XK: variants seen among roughly 807,000 people sequenced by gnomAD.
XK encodes endoplasmic reticulum membrane adapter protein XK.
XK carries 2 observed loss-of-function variants against 14.0 expected under a neutral mutation model. The ratio of observed to expected loss-of-function variants is 0.14; its 90% CI spans 0.06 to 0.45. XK has a LOEUF of 0.45. XK is among the 20% of genes least tolerant of loss of function. The pLI is 0.98. For synonymous variants in XK, 149 were observed against 147.5 expected (o/e 1.01, Z -0.08); for missense variants, 235 against 341.5 (o/e 0.69, Z 2.46).
chrX:37,693,987 T>C (rs186180372), intron 1 of XK, among the ~76,000 whole-genome samples: 1 of 112,267 alleles, frequency 8.9e-6, no homozygotes, highest in East Asian at 2.8e-4. Flanking sequence ...ACTGCACATT[T>C]TTTCTGTGGC....
At position 37,730,364 on chromosome X, in the gene XK, C is replaced by G. The variant is rs2146836163; in HGVS notation, c.*1902C>G. 1 of 111,960 alleles carries G rather than the reference C, an allele frequency of 8.9e-6. No individual in the cohort carries two copies. Among genetic ancestry groups the G allele is most frequent in the South Asian group, 3.7e-4 (1 of 2,733 alleles). 9.2% of individuals were successfully genotyped at this position (111,960 alleles called of 1,213,427 possible). On this transcript the variant is annotated 3_prime_UTR_variant, in exon 3 of 3. Transcript: ENST00000378616. ...TACACAATCGTATTACATAAAACAC[C>G]CTTGAAAATATATGACTTTGAATAA...
chrX:37,688,035 C>A (rs188394924), intron 1 of XK, among the ~76,000 whole-genome samples: 2 of 67,726 alleles, frequency 3.0e-5, no homozygotes, highest in African/African-American at 1.2e-4. Flanking sequence ...TCATTTCTTT[C>A]TTTCTTTCTT....
chrX:37,726,522 T>C (rs1167025809), intron 2 of XK, among the ~76,000 whole-genome samples: 1 of 111,384 alleles, frequency 9.0e-6, no homozygotes, highest in East Asian at 2.8e-4. Flanking sequence ...TTTAGAGATG[T>C]TGGCAGCCTG....
rs189669174 is a variant in XK, at chrX:37,705,242, A to G, written c.508+10694A>G. 7.1e-3 allele frequency among the ~76,000 whole-genome samples: 778 copies of G among 109,812 alleles called. 6 individuals carry two copies. Among genetic ancestry groups the G allele is most frequent in the African/African-American group, 0.015 (465 of 30,115 alleles). On this transcript the variant is annotated intron_variant, in intron 2 of 2. Coordinates refer to ENST00000378616, the MANE Select transcript of XK (RefSeq NM_021083.4). ...GGGCGGATCACGAGGTCAGGAGATC[A>G]AGACCATCCTGGCTAACATGGTGAA...
chrX:37,696,448 A>T (rs28940598), intron 2 of XK, among the ~76,000 whole-genome samples: 1,190 of 112,781 alleles, frequency 0.011, 19 homozygotes, highest in African/African-American at 0.036. Flanking sequence ...TAAATGATAA[A>T]TCAAATAGAT....
chrX:37,726,007 A>G (rs1371998283), intron 2 of XK, among the ~76,000 whole-genome samples: 2 of 111,989 alleles, frequency 1.8e-5, no homozygotes, highest in African/African-American at 3.2e-5. Flanking sequence ...ACTACTCTGT[A>G]TGATACTGTA....
chrX:37,710,521 C>T (rs1312040516), intron 2 of XK, among the ~76,000 whole-genome samples: 3 of 111,610 alleles, frequency 2.7e-5, no homozygotes, highest in African/African-American at 9.8e-5. Flanking sequence ...TATGGCCGGG[C>T]GTGGTGGCTC....
intron 1 of XK, among the ~76,000 whole-genome samples, chrX:37,688,146 C>T (rs1378962233): frequency 3.8e-5 from 4 of 104,495 alleles, no homozygotes; most frequent in Non-Finnish European, 7.8e-5. Context: ...CTGCAAGCTC[C>T]GCTTCCCAGG....
At chrX:37,717,810 CTT>C (rs782286018) in intron 2 of XK, among the ~76,000 whole-genome samples, 1 of 111,732 alleles carries the variant, frequency 8.9e-6, no homozygotes, top group South Asian at 3.7e-4. Context: ...GTCAGTAAGA[CTT>C]TAAGAATTTT....
At chrX:37,694,007 G>A (rs1192035668) in intron 1 of XK, among the ~76,000 whole-genome samples, 1 of 112,158 alleles carries the variant, frequency 8.9e-6, no homozygotes, top group Non-Finnish European at 1.9e-5. Context: ...CTCTGGAGCC[G>A]GAACCACTTT....
chrX:37,715,649 CT>C (rs1228730419), intron 2 of XK, among the ~76,000 whole-genome samples: 2 of 111,337 alleles, frequency 1.8e-5, no homozygotes, highest in Admixed American at 9.6e-5. Flanking sequence ...TGCCCTGGTA[CT>C]TTTTTCACTT....
chrX:37,700,279 G>C lies in XK; in HGVS notation c.508+5731G>C, dbSNP rs28940600. Among the ~76,000 whole-genome samples the C allele has an allele frequency of 7.9e-3, 879 of 111,722 alleles. 1 individual carries two copies. Among genetic ancestry groups the C allele is most frequent in the African/African-American group, 0.027 (831 of 30,713 alleles). On this transcript the variant is annotated intron_variant, in intron 2 of 2. Transcript: ENST00000378616. ...CTCTTGGAGGATGTACCCACCATCA[G>C]GTTGATGAGGTGCCCCAGCCCGAGA...
intron 2 of XK, among the ~76,000 whole-genome samples, chrX:37,703,934 T>C (rs1262958518): frequency 8.9e-6 from 1 of 112,325 alleles, no homozygotes; most frequent in Non-Finnish European, 1.9e-5. Flanking sequence ...GCTGATTTTA[T>C]AGTATAGGTC....
intron 2 of XK, among the ~76,000 whole-genome samples, chrX:37,699,871 C>G (rs1927377036): frequency 9.0e-6 from 1 of 111,071 alleles, no homozygotes; most frequent in Admixed American, 9.5e-5. Context: ...GCTCCCTGAC[C>G]AAGGAGGGCC....
chrX:37,704,244 A>C (rs951421207), intron 2 of XK, among the ~76,000 whole-genome samples: 1 of 111,965 alleles, frequency 8.9e-6, no homozygotes, highest in Non-Finnish European at 1.9e-5. Context: ...ATAAAAAACT[A>C]TCTGGAGAGC....
chrX:37,712,594 TC>T (rs1927687511), intron 2 of XK, among the ~76,000 whole-genome samples: 1 of 112,101 alleles, frequency 8.9e-6, no homozygotes. Context: ...GTACTTTTTT[TC>T]TTTCCATTTA....
intron 2 of XK, among the ~76,000 whole-genome samples, chrX:37,720,377 CATGCTAGT>C (rs1256804450): frequency 9.0e-6 from 1 of 110,687 alleles, no homozygotes; most frequent in African/African-American, 3.3e-5. Context: ...GCTAATCTGC[CATGCTAGT>C]ATGGAAATCT....
At chrX:37,711,176 A>G (rs1399637207) in intron 2 of XK, among the ~76,000 whole-genome samples, 2 of 112,411 alleles carry the variant, frequency 1.8e-5, no homozygotes, top group Admixed American at 1.9e-4. Flanking sequence ...AAGACATACC[A>G]TAAAAGATTT....
chrX:37,704,562 G>A (rs1182505633), intron 2 of XK, among the ~76,000 whole-genome samples: 3 of 110,787 alleles, frequency 2.7e-5, no homozygotes, highest in African/African-American at 3.3e-5. Context: ...TCAGCCGGGC[G>A]TGGTGGCTCA....
Sources: gnomAD v4.1 joint callset for allele counts (sites outside exome capture counted in the v4.1 genomes callset) on GRCh38, gnomAD v4.1.1 for gene constraint, MANE v1.5 for transcripts, NCBI Gene and HGNC (gene_info 2026-07-23, HGNC 2026-07-21) for gene names.